SMG6: variants seen among roughly 807,000 people sequenced by gnomAD.
The protein encoded by SMG6 is SMG6 nonsense mediated mRNA decay factor, also known as telomerase-binding protein EST1A.
In SMG6, 66 loss-of-function variants were observed where a neutral mutation model predicts 142.2. That is an observed-to-expected ratio of 0.46 (90% CI 0.38 to 0.57). The LOEUF is 0.57. Ranked by LOEUF, SMG6 falls within the 20% of genes least tolerant of loss-of-function variation. SMG6 has a pLI of 0.00. For missense variants in SMG6, 1,793 were observed against 1,832.0 expected (o/e 0.98, Z 0.39); for synonymous variants, 779 against 702.4 (o/e 1.11, Z -1.72).
Position 2,300,116 on chromosome 17 carries a change from T to C in SMG6, c.637A>G (p.Lys213Glu). The C allele has an allele frequency of 6.2e-7, 1 of 1,614,188 alleles. No individual in the cohort carries two copies. The highest frequency in any genetic ancestry group is 8.5e-7 in the Non-Finnish European group (1 of 1,180,036). The change falls in exon 2 of 19, where the codon AAA becomes GAA. Residue 213 changes from lysine to glutamate, a missense_variant. Transcript: ENST00000263073. ...SPGGGRVGAA[K>E]GEKGKRMGKG... Reference sequence around the variant, plus strand: ...CCCATCCTCTTTCCTTTTTCTCCTTTTGCAGCCCCTACTCTCCCACCACCT... The same window carrying C: ...CCCATCCTCTTTCCTTTTTCTCCTTCTGCAGCCCCTACTCTCCCACCACCT...
At chr17:2,093,783 A>G (rs568239307) in intron 13 of SMG6, among the ~76,000 whole-genome samples, 2 of 150,826 alleles carry the variant, frequency 1.3e-5, no homozygotes, top group Non-Finnish European at 3.0e-5. Context: ...GAAGCTGGCT[A>G]ATTTTTAAAA....
Position 2,282,631 on chromosome 17 carries a change from A to C in SMG6, c.2661+16T>G. 3 of 1,613,048 alleles carry C rather than the reference A, an allele frequency of 1.9e-6. No homozygotes were observed. The highest frequency in any genetic ancestry group is 2.5e-6 in the Non-Finnish European group (3 of 1,179,718). On this transcript the variant is annotated intron_variant, in intron 8 of 18. Coordinates refer to ENST00000263073, the MANE Select transcript of SMG6 (RefSeq NM_017575.5). ...CTGAGCTAGTTTGGCTCATTGCATC[A>C]TTCTCAGGAACTTACATCACTGGGA...
chr17:2,130,207 C>T (rs1239953544), intron 13 of SMG6, among the ~76,000 whole-genome samples: 4 of 141,528 alleles, frequency 2.8e-5, no homozygotes, highest in African/African-American at 8.2e-5. Context: ...TTGCAGTGAG[C>T]CGAGATTGCG....
chr17:2,209,181 C>T, intron 10 of SMG6, among the ~76,000 whole-genome samples: 1 of 152,144 alleles, frequency 6.6e-6, no homozygotes, highest in South Asian at 2.1e-4. Context: ...CAAAACAAAA[C>T]AAGAGAGTAA....
At chr17:2,127,346 T>C in intron 13 of SMG6, 1 of 520,858 alleles carries the variant, frequency 1.9e-6, no homozygotes, top group Non-Finnish European at 3.7e-6. Context: ...GTGAATGTAC[T>C]TAATGCCACT....
chr17:2,298,345 T>C (rs1437807673), intron 2 of SMG6, among the ~76,000 whole-genome samples: 1 of 152,224 alleles, frequency 6.6e-6, no homozygotes, highest in East Asian at 1.9e-4. Flanking sequence ...TTCTAGAAAG[T>C]CTTTTTCCAT....
At chr17:2,096,782 A>G (rs1036848443) in intron 13 of SMG6, among the ~76,000 whole-genome samples, 14 of 149,344 alleles carry the variant, frequency 9.4e-5, no homozygotes. Context: ...ACAAGACAAG[A>G]CAGATGCAGT....
chr17:2,270,920 C>T (rs751427566), intron 8 of SMG6, among the ~76,000 whole-genome samples: 7 of 152,184 alleles, frequency 4.6e-5, no homozygotes, highest in African/African-American at 1.4e-4. Context: ...ACTCTCTATG[C>T]TCTATTCATG....
intron 9 of SMG6, among the ~76,000 whole-genome samples, chr17:2,241,232 A>G (rs1286292232): frequency 6.6e-6 from 1 of 152,242 alleles, no homozygotes; most frequent in Non-Finnish European, 1.5e-5. Context: ...ATCCTGAAAA[A>G]TAACCTGGAA....
rs1028703199 is a variant in SMG6, at chr17:2,149,644, G to C, written c.3357+23014C>G. ...CTTGTAGGCACTCCTTGACATCGTG[G>C]TCTGACTGGCAAGGCCAAATATTGT... On this transcript the variant is annotated intron_variant, in intron 13 of 18. Transcript: ENST00000263073. Among the ~76,000 whole-genome samples, 14 of 152,148 alleles carry C rather than the reference G, an allele frequency of 9.2e-5. No homozygotes were observed. In the South Asian group the frequency reaches 2.5e-3, roughly 27 times the overall value.
chr17:2,210,144 C>T (rs2072805595), intron 10 of SMG6, among the ~76,000 whole-genome samples: 1 of 152,150 alleles, frequency 6.6e-6, no homozygotes, highest in Non-Finnish European at 1.5e-5. Context: ...ACTGGGTAAG[C>T]CCTTTGTTAT....
At position 2,237,539 on chromosome 17, in the gene SMG6, T is replaced by C. The variant is rs969758313; in HGVS notation, c.2724-902A>G. On this transcript the variant is annotated intron_variant, in intron 9 of 18. Transcript: ENST00000263073. ...TGTCTCAGTTCTTCGTGTGTTGCCG[T>C]CCTCCTCCCTCTCACAAGGCTCTGC... The C allele has an allele frequency of 3.0e-6, 3 of 985,144 alleles. No individual in the cohort carries two copies. The East Asian group carries it at 3.4e-4, about 112-fold the overall frequency. The allele number at this position is 985,144 out of a possible 1,614,324, so 61.0% of individuals were successfully genotyped here. A position where few individuals can be genotyped will look rare whatever the true frequency, so the allele number is the denominator to read the frequency against.
intron 10 of SMG6, among the ~76,000 whole-genome samples, chr17:2,211,920 A>G (rs1307304418): frequency 6.6e-6 from 1 of 152,128 alleles, no homozygotes; most frequent in South Asian, 2.1e-4. Context: ...CAAGGCTCCA[A>G]GCATCACAGA....
intron 15 of SMG6, among the ~76,000 whole-genome samples, chr17:2,078,636 T>C (rs999384903): frequency 1.3e-5 from 2 of 152,078 alleles, no homozygotes; most frequent in African/African-American, 4.8e-5. Flanking sequence ...CTGCCCAAAG[T>C]GCTGGGATTA....
intron 8 of SMG6, among the ~76,000 whole-genome samples, chr17:2,263,891 C>T (rs1157026404): frequency 4.6e-5 from 7 of 152,068 alleles, no homozygotes; most frequent in Non-Finnish European, 8.8e-5. Flanking sequence ...GAAATTCTGG[C>T]ACCTTTAAGA....
At chr17:2,270,257 A>T (rs1247541533) in intron 8 of SMG6, among the ~76,000 whole-genome samples, 1 of 152,202 alleles carries the variant, frequency 6.6e-6, no homozygotes, top group African/African-American at 2.4e-5. Context: ...TGCCACTAAT[A>T]ATGCAAGAGA....
chr17:2,277,267 C>T (rs1016864599), intron 8 of SMG6, among the ~76,000 whole-genome samples: 6 of 149,732 alleles, frequency 4.0e-5, no homozygotes, highest in African/African-American at 4.9e-5. Flanking sequence ...CCCGGGTTCA[C>T]GCCATTCTCC....
intron 13 of SMG6, among the ~76,000 whole-genome samples, chr17:2,124,907 C>A (rs561037779): frequency 6.6e-6 from 1 of 152,310 alleles, no homozygotes; most frequent in East Asian, 1.9e-4. Flanking sequence ...CCATGATTGG[C>A]ACCGAAAGGC....
At chr17:2,121,579 A>ATGTC (rs1368653420) in intron 13 of SMG6, among the ~76,000 whole-genome samples, 26 of 84,910 alleles carry the variant, frequency 3.1e-4, no homozygotes, top group African/African-American at 1.5e-3. Flanking sequence ...ATATATGTAC[A>ATGTC]TGTCTGTCTG....
Sources: gnomAD v4.1 joint callset for allele counts (sites outside exome capture counted in the v4.1 genomes callset) on GRCh38, gnomAD v4.1.1 for gene constraint, MANE v1.5 for transcripts, NCBI Gene and HGNC (gene_info 2026-07-23, HGNC 2026-07-21) for gene names.